MED13L: variants seen among roughly 807,000 people sequenced by gnomAD.
MED13L encodes mediator complex subunit 13L.
A neutral mutation model predicts 220.9 loss-of-function variants in MED13L; 7 were observed. The observed-to-expected ratio is 0.03, with a 90% CI of 0.02 to 0.06. MED13L has a LOEUF of 0.06. Among genes scored for constraint, MED13L ranks in the 10% least tolerant of loss-of-function variants. The probability of loss-of-function intolerance (pLI) is 1.00; values close to 1 mark genes in which losing one functional copy is unlikely to be tolerated. For synonymous variants in MED13L, 1,011 were observed against 1,015.2 expected, an observed-to-expected ratio of 1.00 and a Z score of 0.08; for missense variants, 1,965 against 2,760.5, an observed-to-expected ratio of 0.71 and a Z score of 6.46.
intron 1 of MED13L, among the ~76,000 whole-genome samples, chr12:116,244,291 A>G (rs976814845): frequency 2.0e-5 from 3 of 152,242 alleles, no homozygotes; most frequent in Non-Finnish European, 2.9e-5. Context: ...CTGTTAAAAC[A>G]TAACTAATCA....
intron 4 of MED13L, among the ~76,000 whole-genome samples, chr12:116,082,856 C>T (rs1871325642): frequency 6.6e-6 from 1 of 152,112 alleles, no homozygotes; most frequent in Admixed American, 6.6e-5. Context: ...TATGGGAGTT[C>T]CAGCATCTGC....
At chr12:116,035,131 T>C (rs897038474) in intron 4 of MED13L, among the ~76,000 whole-genome samples, 1 of 152,212 alleles carries the variant, frequency 6.6e-6, no homozygotes, top group African/African-American at 2.4e-5. Context: ...TAAGAGCAGA[T>C]AGCGCTTGGG....
chr12:116,007,336 A>C (rs1879112069), intron 11 of MED13L, 75 bp downstream of exon 11: 24 of 1,392,380 alleles, frequency 1.7e-5, no homozygotes, highest in Non-Finnish European at 2.4e-5. Context: ...CTGCCTCCAA[A>C]GTCTTCCCAC....
At chr12:116,148,051 C>CAAAAAAA (rs10678970) in intron 2 of MED13L, among the ~76,000 whole-genome samples, 2,326 of 18,086 alleles carry the variant, frequency 0.13, 199 homozygotes, top group Non-Finnish European at 0.16. Flanking sequence ...GACCCCATCT[C>CAAAAAAA]AAAAAAAAAA....
intron 1 of MED13L, among the ~76,000 whole-genome samples, chr12:116,262,052 C>T (rs1872552021): frequency 1.3e-5 from 2 of 152,200 alleles, no homozygotes; most frequent in South Asian, 4.1e-4. Context: ...ACAGAATTAA[C>T]TCCCAATTCC....
At chr12:116,175,422 T>C (rs1043111088) in intron 2 of MED13L, among the ~76,000 whole-genome samples, 1 of 152,158 alleles carries the variant, frequency 6.6e-6, no homozygotes, top group African/African-American at 2.4e-5. Context: ...AAAAAGAATA[T>C]TGTAGGTAGA....
intron 1 of MED13L, among the ~76,000 whole-genome samples, chr12:116,250,397 A>G (rs1871432925): frequency 6.9e-6 from 1 of 145,514 alleles, no homozygotes; most frequent in Admixed American, 7.0e-5. Flanking sequence ...AACACGACAC[A>G]AGATAGAAAC....
At chr12:116,247,425 G>A (rs1236013453) in intron 1 of MED13L, among the ~76,000 whole-genome samples, 1 of 152,140 alleles carries the variant, frequency 6.6e-6, no homozygotes, top group African/African-American at 2.4e-5. Context: ...TTAAAATAAC[G>A]TGTTGTTGTT....
At chr12:116,000,080 CA>C (rs1278531369) in intron 14 of MED13L, among the ~76,000 whole-genome samples, 2 of 152,150 alleles carry the variant, frequency 1.3e-5, no homozygotes, top group Non-Finnish European at 2.9e-5. Flanking sequence ...AAACATTCAG[CA>C]AATGATGAAC....
intron 17 of MED13L, among the ~76,000 whole-genome samples, chr12:115,990,384 G>A (rs1292985950): frequency 1.3e-5 from 2 of 152,174 alleles, no homozygotes; most frequent in Middle Eastern, 3.2e-3. Context: ...GTCCATGAGG[G>A]TAAGTGCCTT....
intron 4 of MED13L, among the ~76,000 whole-genome samples, chr12:116,072,490 C>T (rs577089222): frequency 2.1e-4 from 32 of 152,194 alleles, no homozygotes; most frequent in African/African-American, 7.5e-4. Flanking sequence ...CTCGCTCTGC[C>T]GCCCAGGCTA....
intron 22 of MED13L, among the ~76,000 whole-genome samples, 175 bp from the exon 23 acceptor site, chr12:115,981,113 C>G (rs898516759): frequency 1.3e-5 from 2 of 152,162 alleles, no homozygotes; most frequent in Non-Finnish European, 2.9e-5. Flanking sequence ...AATCCTAATT[C>G]CTTCCGCTGA....
chr12:116,188,820 C>G (rs1443460836), intron 2 of MED13L, among the ~76,000 whole-genome samples: 1 of 152,112 alleles, frequency 6.6e-6, no homozygotes, highest in African/African-American at 2.4e-5. Flanking sequence ...TGGAATCATA[C>G]ACTATATAAC....
chr12:115,983,263 A>C lies in MED13L; in HGVS notation c.4809T>G (p.Ser1603=). Residue 1603 remains serine, a synonymous_variant, in exon 21 of 31, where the codon TCT becomes TCG. Transcript: ENST00000281928. ...CAACACTACCACTGAATCCTGAAGAAGAGGTAGTGCTTATCTGGCTAATAC... is the reference window on the plus strand; with the variant it reads ...CAACACTACCACTGAATCCTGAAGACGAGGTAGTGCTTATCTGGCTAATAC... ...APGISQISTT[S]SSGFSGSVGG... 2 of 1,614,212 alleles carry C rather than the reference A, an allele frequency of 1.2e-6. No individual in the cohort carries two copies. Among genetic ancestry groups the C allele is most frequent in the African/African-American group, 2.7e-5 (2 of 75,068 alleles).
At chr12:116,175,550 C>T (rs546187439) in intron 2 of MED13L, among the ~76,000 whole-genome samples, 1 of 152,070 alleles carries the variant, frequency 6.6e-6, no homozygotes, top group Non-Finnish European at 1.5e-5. Flanking sequence ...TTTCTGAACC[C>T]AGGAATATTG....
At chr12:116,045,039 T>G (rs749855305) in intron 4 of MED13L, among the ~76,000 whole-genome samples, 7 of 152,154 alleles carry the variant, frequency 4.6e-5, no homozygotes, top group Non-Finnish European at 7.3e-5. Context: ...AAAACACACA[T>G]AAATCCAAGG....
rs1389374449 is a variant in MED13L at position 116,012,800 on chromosome 12, G to T, written c.1277C>A (p.Ser426Tyr). ...DPTQRVSCSC[S>Y]RHKLLKRCAV... Reference sequence around the variant, plus strand: ...TTTTGCCTTTTTTATTACCTACCTGGAACAAGAACAGCTGACTCTTTGGGT... The same window carrying T: ...TTTTGCCTTTTTTATTACCTACCTGTAACAAGAACAGCTGACTCTTTGGGT... The change falls in exon 9 of 31, where the codon TCC becomes TAC. Residue 426 changes from serine to tyrosine, a missense_variant. Coordinates refer to ENST00000281928, the MANE Select transcript of MED13L (RefSeq NM_015335.5). 2 of 1,609,862 alleles carry T rather than the reference G, an allele frequency of 1.2e-6. No individual in the cohort carries two copies. Among genetic ancestry groups the T allele is most frequent in the East Asian group, 4.5e-5 (2 of 44,870 alleles).
intron 2 of MED13L, among the ~76,000 whole-genome samples, chr12:116,148,076 A>AAAG (rs1264462636): frequency 2.0e-5 from 1 of 50,556 alleles, no homozygotes; most frequent in African/African-American, 7.9e-5. Context: ...AAAAAAAAAG[A>AAAG]GGGGGGCGGG....
At chr12:116,200,257 G>T (rs941194372) in intron 2 of MED13L, among the ~76,000 whole-genome samples, 12 of 151,766 alleles carry the variant, frequency 7.9e-5, no homozygotes, top group Admixed American at 7.9e-4. Context: ...CAGGAAAAAA[G>T]TAATAATGGC....
Sources: gnomAD v4.1 joint callset for allele counts (sites outside exome capture counted in the v4.1 genomes callset) on GRCh38, gnomAD v4.1.1 for gene constraint, MANE v1.5 for transcripts, NCBI Gene and HGNC (gene_info 2026-07-23, HGNC 2026-07-21) for gene names.